ARMH4: variants seen among roughly 807,000 people sequenced by gnomAD.
ARMH4 encodes armadillo-like helical domain-containing protein 4.
ARMH4 carries 49 observed loss-of-function variants against 61.9 expected under a neutral mutation model. That is an observed-to-expected ratio of 0.79 (90% CI 0.63 to 1.00). The LOEUF (loss-of-function observed/expected upper bound fraction) is 1.00. Ranked by LOEUF, ARMH4 falls within the 50% of genes least tolerant of loss-of-function variation. The pLI is 0.00. For synonymous variants in ARMH4, 368 were observed against 341.5 expected (o/e 1.08, Z -0.85); for missense variants, 934 against 930.0 (o/e 1.00, Z -0.06).
chr14:58,131,906 AG>A (rs1326729830), intron 3 of ARMH4, among the ~76,000 whole-genome samples, 185 bp from the exon 4 acceptor site: 3 of 152,256 alleles, frequency 2.0e-5, no homozygotes, highest in African/African-American at 7.2e-5. Flanking sequence ...AAAGACTTTC[AG>A]GAAAATGTAT....
chr14:58,083,431 A>C (rs1474706918), intron 5 of ARMH4, among the ~76,000 whole-genome samples: 5 of 152,146 alleles, frequency 3.3e-5, no homozygotes, highest in Non-Finnish European at 7.4e-5. Context: ...AAAATTAAAA[A>C]TATTAGCCAG....
At chr14:58,144,722 G>T (rs540751317) in intron 1 of ARMH4, among the ~76,000 whole-genome samples, 1 of 152,182 alleles carries the variant, frequency 6.6e-6, no homozygotes, top group African/African-American at 2.4e-5. Context: ...AAAAAAATTA[G>T]CCGGGCATGG....
rs1161367625 is a variant in ARMH4 at position 58,024,287 on chromosome 14, T to C, written c.2090-12137A>G. Reference sequence around the variant, plus strand: ...TAGCTAGATCTTCTGCATAACTTGCTGCAGCTTCTACTTCCCTCTGTACTT... The same window carrying C: ...TAGCTAGATCTTCTGCATAACTTGCCGCAGCTTCTACTTCCCTCTGTACTT... On this transcript the variant is annotated intron_variant, in intron 5 of 7. Transcript: ENST00000267485. 3.9e-5 allele frequency among the ~76,000 whole-genome samples: 6 copies of C among 152,242 alleles called. 1 individual carries two copies. The highest frequency in any genetic ancestry group is 7.3e-5 in the Non-Finnish European group (5 of 68,042).
In ARMH4 at chr14:58,117,942, T is replaced by A. The variant is rs566359098; in HGVS notation, c.1831+13570A>T. 6.0e-5 allele frequency among the ~76,000 whole-genome samples: 9 copies of A among 150,730 alleles called. No homozygotes were observed. The South Asian group carries it at 6.3e-4, about 11-fold the overall frequency. ...CCCAGCTAATTAAAAAAAAAAAAAA[T>A]TTATACAGGTGGAGTCTCACTATGT... On this transcript the variant is annotated intron_variant, in intron 4 of 7. Transcript: ENST00000267485.
chr14:58,057,040 C>G (rs1270594776), intron 5 of ARMH4, among the ~76,000 whole-genome samples: 9 of 152,146 alleles, frequency 5.9e-5, no homozygotes, highest in Non-Finnish European at 2.9e-5. Context: ...CAGAAGGACC[C>G]TGGATCCCTG....
Position 58,064,265 on chromosome 14 carries a change from C to T in ARMH4, c.2089+32459G>A, listed in dbSNP as rs1361154721. ...ACTCTAATTAGAAAATTTAGCAAAA[C>T]TCTAATTAGAAACACCTATAAAGAA... On this transcript the variant is annotated intron_variant, in intron 5 of 7. Transcript: ENST00000267485. Among the ~76,000 whole-genome samples, 5 of 152,144 alleles carry T rather than the reference C, an allele frequency of 3.3e-5. No individual in the cohort carries two copies. The East Asian group carries it at 9.6e-4, about 29-fold the overall frequency.
At chr14:58,042,306 T>C (rs1014140470) in intron 5 of ARMH4, among the ~76,000 whole-genome samples, 8 of 152,098 alleles carry the variant, frequency 5.3e-5, no homozygotes, top group Admixed American at 2.0e-4. Context: ...CACTCAAAAC[T>C]GCTCAACTAC....
At chr14:58,086,745 TGA>T (rs1173738486) in intron 5 of ARMH4, among the ~76,000 whole-genome samples, 2 of 151,808 alleles carry the variant, frequency 1.3e-5, no homozygotes, top group African/African-American at 4.8e-5. Context: ...ATAAGCAAAA[TGA>T]GATAGTGCAG....
At chr14:58,119,834 G>A (rs1464944384) in intron 4 of ARMH4, among the ~76,000 whole-genome samples, 1 of 152,130 alleles carries the variant, frequency 6.6e-6, no homozygotes, top group African/African-American at 2.4e-5. Context: ...GCTATGACTT[G>A]GTTGATTGCA....
intron 1 of ARMH4, 59 bp downstream of exon 1, chr14:58,152,016 C>A (rs918559150): frequency 6.6e-6 from 1 of 152,528 alleles, no homozygotes; most frequent in Non-Finnish European, 1.5e-5. Context: ...CCGTCCCTGC[C>A]CCGGCGCCAC....
chr14:58,089,422 T>C (rs1885488049), intron 5 of ARMH4, among the ~76,000 whole-genome samples: 1 of 152,214 alleles, frequency 6.6e-6, no homozygotes, highest in South Asian at 2.1e-4. Flanking sequence ...TGACATATTT[T>C]AGGGCTAAGG....
intron 5 of ARMH4, among the ~76,000 whole-genome samples, chr14:58,065,177 G>T (rs1034850184): frequency 6.6e-6 from 1 of 152,158 alleles, no homozygotes; most frequent in Non-Finnish European, 1.5e-5. Flanking sequence ...GGGAGGCAGA[G>T]GTTGCAGTGA....
intron 1 of ARMH4, among the ~76,000 whole-genome samples, chr14:58,151,515 C>G (rs971212918): frequency 2.0e-5 from 3 of 152,006 alleles, no homozygotes; most frequent in African/African-American, 7.3e-5. Context: ...CAAGGAGGCT[C>G]GACATCTCTG....
chr14:58,111,507 C>T (rs888026156), intron 4 of ARMH4, among the ~76,000 whole-genome samples: 4 of 152,140 alleles, frequency 2.6e-5, no homozygotes, highest in African/African-American at 9.7e-5. Context: ...GCTTAAACAA[C>T]AGAAATTTAT....
At chr14:58,098,757 G>A (rs1008578470) in intron 4 of ARMH4, among the ~76,000 whole-genome samples, 4 of 151,642 alleles carry the variant, frequency 2.6e-5, no homozygotes, top group Non-Finnish European at 2.9e-5. Flanking sequence ...GGAAGAAGTA[G>A]GCAGGGGCCA....
At chr14:58,056,600 T>C (rs979808155) in intron 5 of ARMH4, among the ~76,000 whole-genome samples, 1 of 152,164 alleles carries the variant, frequency 6.6e-6, no homozygotes, top group African/African-American at 2.4e-5. Context: ...AGGTCTTCCT[T>C]CATACTAAGG....
chr14:58,116,794 C>T (rs908449959), intron 4 of ARMH4, among the ~76,000 whole-genome samples: 2 of 152,124 alleles, frequency 1.3e-5, no homozygotes, highest in Non-Finnish European at 2.9e-5. Context: ...CTGAAGATAC[C>T]GATTTACATA....
chr14:58,113,740 T>G (rs1190995644), intron 4 of ARMH4, among the ~76,000 whole-genome samples: 4 of 152,106 alleles, frequency 2.6e-5, no homozygotes, highest in African/African-American at 9.6e-5. Context: ...GTCTTCAAAT[T>G]GATCTTCCAG....
chr14:58,130,481 C>T (rs572395039), intron 4 of ARMH4, among the ~76,000 whole-genome samples: 2 of 152,350 alleles, frequency 1.3e-5, no homozygotes, highest in South Asian at 2.1e-4. Context: ...TGCCCAAAAG[C>T]TTACCAGTGT....
Sources: allele counts gnomAD v4.1 joint callset (sites outside exome capture counted in the v4.1 genomes callset), GRCh38; gene constraint gnomAD v4.1.1; transcripts MANE v1.5; gene names NCBI Gene and HGNC (gene_info 2026-07-23, HGNC 2026-07-21).